The following CHD7 variants were observed in gnomAD, a reference collection of about 807,000 sequenced individuals.
CHD7 encodes ATP-dependent chromatin remodeler CHD7.
A neutral mutation model predicts 307.3 loss-of-function variants in CHD7; 24 were observed. The ratio of observed to expected loss-of-function variants is 0.08; its 90% CI spans 0.06 to 0.11. The LOEUF (loss-of-function observed/expected upper bound fraction) is 0.11, where lower values mean the gene tolerates loss of function less well. Among genes scored for constraint, CHD7 ranks in the 10% least tolerant of loss-of-function variants. CHD7 has a pLI of 1.00. For synonymous variants in CHD7, 1,363 were observed against 1,349.9 expected (o/e 1.01, Z -0.21); for missense variants, 3,106 against 3,727.1 (o/e 0.83, Z 4.34).
chr8:60,741,363 A>G lies in CHD7; in HGVS notation c.-70A>G, dbSNP rs1452184371. On this transcript the variant is annotated 5_prime_UTR_variant, in exon 2 of 38. Transcript: ENST00000423902. ...TAAGGATTATAGGCTTTGAGGGCAA[A>G]CACCTCAGTGAAGTGAAGCACAGGC... 5 of 1,088,334 alleles carry G rather than the reference A, an allele frequency of 4.6e-6. No individual in the cohort carries two copies. The highest frequency in any genetic ancestry group is 6.6e-6 in the Non-Finnish European group (5 of 753,000). The allele number at this position is 1,088,334 out of a possible 1,614,324, so 67.4% of individuals were successfully genotyped here.
intron 1 of CHD7, among the ~76,000 whole-genome samples, chr8:60,735,889 C>G (rs1403697335): frequency 6.6e-6 from 1 of 152,186 alleles, no homozygotes. Flanking sequence ...CTTTTGAGCA[C>G]TTGAATGTGG....
At chr8:60,753,555 A>G (rs1367140856) in intron 2 of CHD7, among the ~76,000 whole-genome samples, 1 of 152,194 alleles carries the variant, frequency 6.6e-6, no homozygotes, top group Admixed American at 6.5e-5. Context: ...AACAACAGTA[A>G]GAGACTAGCC....
At chr8:60,794,674 A>G (rs938866961) in intron 3 of CHD7, among the ~76,000 whole-genome samples, 2 of 152,244 alleles carry the variant, frequency 1.3e-5, no homozygotes, top group Non-Finnish European at 2.9e-5. Flanking sequence ...AAAATTCGAT[A>G]GCAAAACTAC....
Position 60,836,958 on chromosome 8 carries a change from T to A in CHD7, c.4131T>A (p.Ala1377=). The change falls in exon 17 of 38, where the codon GCT becomes GCA. Residue 1377 remains alanine, a synonymous_variant. Coordinates refer to ENST00000423902, the MANE Select transcript of CHD7 (RefSeq NM_017780.4). ...RAGGLGINLT[A]ADTCIIFDSD... ...GAGGTTTAGGCATTAACCTCACTGCTGCTGATACCTGCATCATCTTTGATT... is the reference window on the plus strand; with the variant it reads ...GAGGTTTAGGCATTAACCTCACTGCAGCTGATACCTGCATCATCTTTGATT... The A allele has an allele frequency of 6.2e-7, 1 of 1,613,488 alleles. No homozygotes were observed. The highest frequency in any genetic ancestry group is 8.5e-7 in the Non-Finnish European group (1 of 1,179,622).
Position 60,793,465 on chromosome 8 carries a change from T to A in CHD7, c.2097-1521T>A, listed in dbSNP as rs767907054. ...AGTATTAAGAATAACTAGTTTAAGA[T>A]GATCAAATATTTTATTTAGTTGAAA... On this transcript the variant is annotated intron_variant, in intron 3 of 37. Coordinates refer to ENST00000423902, the MANE Select transcript of CHD7 (RefSeq NM_017780.4). Among the ~76,000 whole-genome samples the A allele has an allele frequency of 1.6e-4, 24 of 152,210 alleles. 1 individual carries two copies. Among genetic ancestry groups the A allele is most frequent in the Non-Finnish European group, 3.4e-4 (23 of 68,040 alleles).
At chr8:60,709,241 T>C (rs1807165714) in intron 1 of CHD7, among the ~76,000 whole-genome samples, 1 of 152,226 alleles carries the variant, frequency 6.6e-6, no homozygotes, top group South Asian at 2.1e-4. Context: ...TTTGTGTAGC[T>C]TGTAATATTT....
chr8:60,707,644 T>G (rs901099209), intron 1 of CHD7, among the ~76,000 whole-genome samples: 2 of 152,246 alleles, frequency 1.3e-5, no homozygotes, highest in Non-Finnish European at 2.9e-5. Context: ...TTTTAATTTA[T>G]AGCATCAAGT....
chr8:60,764,757 G>A (rs1306260669), intron 2 of CHD7, among the ~76,000 whole-genome samples: 1 of 152,182 alleles, frequency 6.6e-6, no homozygotes, highest in East Asian at 1.9e-4. Context: ...GTAACAAAGA[G>A]ATAAATGCAG....
intron 4 of CHD7, among the ~76,000 whole-genome samples, chr8:60,799,107 G>T (rs1390015296): frequency 6.6e-6 from 1 of 152,156 alleles, no homozygotes; most frequent in Non-Finnish European, 1.5e-5. Context: ...CAGTCTTTTT[G>T]TCTTAAGAAG....
chr8:60,767,465 A>G (rs1810525171), intron 2 of CHD7, among the ~76,000 whole-genome samples: 1 of 152,206 alleles, frequency 6.6e-6, no homozygotes, highest in South Asian at 2.1e-4. Context: ...TGACTGAAAG[A>G]ATGTTGCTAC....
intron 5 of CHD7, among the ~76,000 whole-genome samples, chr8:60,801,051 CT>C (rs1812287532): frequency 6.6e-6 from 1 of 152,026 alleles, no homozygotes. Flanking sequence ...ATGCTTTTTT[CT>C]TATTGAAAAG....
In CHD7 at chr8:60,761,601, G is replaced by C. The variant is rs1214664636; in HGVS notation, c.1665+18504G>C. Among the ~76,000 whole-genome samples the C allele has an allele frequency of 2.0e-5, 3 of 151,548 alleles. No individual in the cohort carries two copies. In the East Asian group the frequency reaches 5.8e-4, roughly 29 times the overall value. ...ACCATGTTTGGTGCGAATAGAGTGG[G>C]GGCAAAGGGGGTTTATGTTTCTGAG... On this transcript the variant is annotated intron_variant, in intron 2 of 37. Transcript: ENST00000423902.
chr8:60,706,941 G>A (rs1807050752), intron 1 of CHD7, among the ~76,000 whole-genome samples: 1 of 152,024 alleles, frequency 6.6e-6, no homozygotes, highest in African/African-American at 2.4e-5. Flanking sequence ...TTTACATTAG[G>A]TATATCTCCT....
chr8:60,778,951 G>T (rs1179099364), intron 2 of CHD7, among the ~76,000 whole-genome samples: 1 of 152,198 alleles, frequency 6.6e-6, no homozygotes, highest in East Asian at 1.9e-4. Context: ...GCAGTGTTTA[G>T]TTAGTTGTGT....
chr8:60,725,566 A>G (rs1808123167), intron 1 of CHD7, among the ~76,000 whole-genome samples: 1 of 152,164 alleles, frequency 6.6e-6, no homozygotes, highest in South Asian at 2.1e-4. Flanking sequence ...GTTACTTCTC[A>G]CTCATATTTT....
At chr8:60,758,960 G>C (rs1360955066) in intron 2 of CHD7, among the ~76,000 whole-genome samples, 1 of 152,180 alleles carries the variant, frequency 6.6e-6, no homozygotes. Context: ...ACAATTACCA[G>C]CGTATTTTTC....
intron 1 of CHD7, among the ~76,000 whole-genome samples, chr8:60,721,307 G>A (rs1272627468): frequency 2.0e-5 from 3 of 152,204 alleles, no homozygotes; most frequent in Non-Finnish European, 4.4e-5. Context: ...GAGAGAGCTG[G>A]CTCTCCCAGT....
intron 3 of CHD7, among the ~76,000 whole-genome samples, chr8:60,788,195 C>A (rs1811594469): frequency 6.6e-6 from 1 of 151,096 alleles, no homozygotes; most frequent in Non-Finnish European, 1.5e-5. Context: ...ACAGTCTCAG[C>A]TCACTGCAGC....
At chr8:60,837,102 G>A in intron 17 of CHD7, 90 bp downstream of exon 17, 1 of 1,008,554 alleles carries the variant, frequency 9.9e-7, no homozygotes. Flanking sequence ...ATAAATTAAT[G>A]TTGCGTCGTC....
Sources: gnomAD v4.1 joint callset for allele counts (sites outside exome capture counted in the v4.1 genomes callset) on GRCh38, gnomAD v4.1.1 for gene constraint, MANE v1.5 for transcripts, NCBI Gene and HGNC (gene_info 2026-07-23, HGNC 2026-07-21) for gene names.